The following FBXO41 variants were observed in gnomAD, a reference collection of about 807,000 sequenced individuals.
FBXO41 encodes the protein F-box protein 41.
Under a neutral mutation model 81.6 loss-of-function variants are expected in FBXO41, and 33 were observed. The ratio of observed to expected loss-of-function variants is 0.40; its 90% CI spans 0.31 to 0.54. FBXO41 has a LOEUF of 0.54. FBXO41 is among the 20% of genes least tolerant of loss of function. The pLI is 0.39. For missense variants in FBXO41, 1,107 were observed against 1,236.0 expected, an observed-to-expected ratio of 0.90 and a Z score of 1.56; for synonymous variants, 576 against 552.7, an observed-to-expected ratio of 1.04 and a Z score of -0.59.
In FBXO41 at chr2:73,266,315, C is replaced by G. The variant is rs1050661125; in HGVS notation, c.1131+142G>C. ...CTCCTGCCCAATCAAAGGGGCTCCC[C>G]TGTTCCTGGCATCTGCTGGTGGGGT... On this transcript the variant is annotated intron_variant, in intron 3 of 12. Transcript: ENST00000520530. The surrounding 1 kb of genome is among the most constrained non-coding windows in gnomAD (Gnocchi z 5.3). 2 of 1,049,370 alleles carry G rather than the reference C, an allele frequency of 1.9e-6. No individual in the cohort carries two copies. The highest frequency in any genetic ancestry group is 3.0e-5 in the Admixed American group (1 of 32,980). 65.0% of individuals were successfully genotyped at this position (1,049,370 alleles called of 1,614,324 possible).
At position 73,264,352 on chromosome 2, in the gene FBXO41, C is replaced by T; in HGVS notation, c.1732G>A (p.Asp578Asn). ...TLLHAAEVCR[D>N]WRFVARHPAV... Reference sequence around the variant, plus strand: ...GGGTGGCGGGCCACGAAGCGCCAGTCCCGGCAGACCTCGGCAGCATGCAGC... The same window carrying T: ...GGGTGGCGGGCCACGAAGCGCCAGTTCCGGCAGACCTCGGCAGCATGCAGC... Residue 578 changes from aspartate to asparagine, a missense_variant, in exon 6 of 13, where the codon GAC becomes AAC. Asp to Asn is a conservative substitution (Grantham distance 23). Coordinates refer to ENST00000520530, the MANE Select transcript of FBXO41 (RefSeq NM_001371389.2). 1 of 1,613,716 alleles carries T rather than the reference C, an allele frequency of 6.2e-7. No individual in the cohort carries two copies. The highest frequency in any genetic ancestry group is 8.5e-7 in the Non-Finnish European group (1 of 1,179,890).
At chr2:73,277,675 T>G (rs902690569) in intron 1 of FBXO41, among the ~76,000 whole-genome samples, 7 of 152,074 alleles carry the variant, frequency 4.6e-5, no homozygotes, top group African/African-American at 1.7e-4. Context: ...CTTACAGGTA[T>G]GTGAGTCTTA....
In FBXO41 at chr2:73,269,100, G is replaced by A. The variant is rs1484375852; in HGVS notation, c.531C>T (p.Pro177=). ...ACSTPPPGPG[P]GPCPGPASAS... is the part of the protein sequence containing the mutation. ...CGGAGGCAGGCCCGGGGCAAGGGCC[G>A]GGGCCGGGGCCAGGCGGCGGCGTCG... Residue 177 remains proline, a synonymous_variant, in exon 2 of 13, where the codon CCC becomes CCT. Coordinates refer to ENST00000520530, the MANE Select transcript of FBXO41 (RefSeq NM_001371389.2). This position sits in a 1 kb window ranked among gnomAD's most constrained non-coding sequence, Gnocchi z 7.0. 2.7e-6 allele frequency: 4 copies of A among 1,505,182 alleles called. No homozygotes were observed. The highest frequency in any genetic ancestry group is 1.3e-5 in the South Asian group (1 of 79,098). 93.2% of individuals were successfully genotyped at this position (1,505,182 alleles called of 1,614,324 possible). A position where few individuals can be genotyped will look rare whatever the true frequency, so the allele number is the denominator to read the frequency against.
intron 1 of FBXO41, among the ~76,000 whole-genome samples, chr2:73,272,528 C>G (rs969526217): frequency 5.9e-5 from 9 of 152,328 alleles, no homozygotes; most frequent in African/African-American, 1.9e-4. Context: ...CCTGCTGTGC[C>G]CTCCCAGCTG....
intron 1 of FBXO41, among the ~76,000 whole-genome samples, chr2:73,283,039 G>T (rs1487728301): frequency 6.6e-6 from 1 of 152,192 alleles, no homozygotes. Flanking sequence ...GGAAGGTTTG[G>T]ATGTTAACAG....
In FBXO41 at chr2:73,260,071, A is replaced by G. The variant is rs1417135000; in HGVS notation, c.2449+318T>C. Among the ~76,000 whole-genome samples, 1 of 152,042 alleles carries G rather than the reference A, an allele frequency of 6.6e-6. No homozygotes were observed. Among genetic ancestry groups the G allele is most frequent in the African/African-American group, 2.4e-5 (1 of 41,374 alleles). On this transcript the variant is annotated intron_variant, in intron 11 of 12. Transcript: ENST00000520530. The surrounding 1 kb of genome is among the most constrained non-coding windows in gnomAD (Gnocchi z 5.0). ...GGAGAGAGGAGTCTTCACCCTGAGAACTGTCCTTGGGGGGGCTTCCATATA... is the reference window on the plus strand; with the variant it reads ...GGAGAGAGGAGTCTTCACCCTGAGAGCTGTCCTTGGGGGGGCTTCCATATA...
At position 73,260,287 on chromosome 2, in the gene FBXO41, G is replaced by GTCTCC; in HGVS notation, c.2449+101_2449+102insGGAGA. ...GTCCCCCTGCCTCTGCCCTTGGCTG[G>GTCTCC]AGACTCTGATCCATCTGCCCCAGTG... On this transcript the variant is annotated intron_variant, in intron 11 of 12. Coordinates refer to ENST00000520530, the MANE Select transcript of FBXO41 (RefSeq NM_001371389.2). The surrounding 1 kb of genome is among the most constrained non-coding windows in gnomAD (Gnocchi z 5.0). The GTCTCC allele has an allele frequency of 4.1e-6, 6 of 1,447,502 alleles. No homozygotes were observed. Among genetic ancestry groups the GTCTCC allele is most frequent in the Non-Finnish European group, 5.6e-6 (6 of 1,070,768 alleles). The allele number at this position is 1,447,502 out of a possible 1,614,324, so 89.7% of individuals were successfully genotyped here. A position where few individuals can be genotyped will look rare whatever the true frequency, so the allele number is the denominator to read the frequency against.
At position 73,257,582 on chromosome 2, in the gene FBXO41, G is replaced by C. The variant is rs59113407; in HGVS notation, c.*1400C>G. 0.065 allele frequency: 9,868 copies of C among 152,256 alleles called. 668 individuals are homozygous for C. The highest frequency in any genetic ancestry group is 0.17 in the African/African-American group (7,139 of 41,500). 9.4% of individuals were successfully genotyped at this position (152,256 alleles called of 1,614,324 possible). A position where few individuals can be genotyped will look rare whatever the true frequency, so the allele number is the denominator to read the frequency against. ...TATCTAGGAGAGAAAGAAACCCTAA[G>C]ATAGATCTAGTTTAGATGTTCGAAA... is the stretch of plus-strand genomic sequence containing the variant. On this transcript the variant is annotated 3_prime_UTR_variant, in exon 13 of 13. Transcript: ENST00000520530. This position sits in a 1 kb window ranked among gnomAD's most constrained non-coding sequence, Gnocchi z 4.6.
chr2:73,255,504 C>CTG lies in FBXO41; in HGVS notation c.*3477_*3478insCA, dbSNP rs1687772856. 6.5e-6 allele frequency: 1 copy of CTG among 152,716 alleles called. No individual in the cohort carries two copies. Among genetic ancestry groups the CTG allele is most frequent in the Admixed American group, 6.5e-5 (1 of 15,284 alleles). The allele number at this position is 152,716 out of a possible 1,614,324, so 9.5% of individuals were successfully genotyped here. A position where few individuals can be genotyped will look rare whatever the true frequency, so the allele number is the denominator to read the frequency against. On this transcript the variant is annotated 3_prime_UTR_variant, in exon 13 of 13. Transcript: ENST00000520530. The stretch of plus-strand genomic sequence containing the variant: ...AGGCCCCCAGGGGAAGGAAGTTACA[C>CTG]TCATCAGGGACTGACAGGCTGGGAC...
At chr2:73,273,414 C>A (rs1688597398) in intron 1 of FBXO41, among the ~76,000 whole-genome samples, 1 of 152,098 alleles carries the variant, frequency 6.6e-6, no homozygotes, top group Non-Finnish European at 1.5e-5. Flanking sequence ...GGCTCTAGTC[C>A]CTCTTTATTG....
rs145901051 is a variant in FBXO41, at chr2:73,268,419, T to G, written c.905+307A>C. On this transcript the variant is annotated intron_variant, in intron 2 of 12. Coordinates refer to ENST00000520530, the MANE Select transcript of FBXO41 (RefSeq NM_001371389.2). ...GGTGATGGAAAAGGAGAGGGGAGAG[T>G]TGAGCTATATCTTTGGCTAGGCAAA... Among the ~76,000 whole-genome samples the G allele has an allele frequency of 5.3e-4, 80 of 150,430 alleles. 1 individual carries two copies. The East Asian group carries it at 0.011, about 21-fold the overall frequency.
chr2:73,268,814 A>G lies in FBXO41; in HGVS notation c.817T>C (p.Ser273Pro). 6.3e-7 allele frequency: 1 copy of G among 1,579,502 alleles called. No homozygotes were observed. Among genetic ancestry groups the G allele is most frequent in the Non-Finnish European group, 8.6e-7 (1 of 1,163,474 alleles). Residue 273 changes from serine to proline, a missense_variant, in exon 2 of 13, where the codon TCC becomes CCC. Around this residue, in one of 2 missense-constraint regions of FBXO41, gnomAD observed 771 missense variants for 789.2 expected, o/e 0.98. Coordinates refer to ENST00000520530, the MANE Select transcript of FBXO41 (RefSeq NM_001371389.2). ...TCTACGCTCACGTCCACCTGGCGGG[A>G]GAGCTCAGACGCGCGCTCCTCCAGC... The part of the protein sequence containing the change: ...EELEERASEL[S>P]RQVDVSVELL...
chr2:73,262,735 TTATC>T (rs1239618213), intron 9 of FBXO41, among the ~76,000 whole-genome samples: 1 of 151,764 alleles, frequency 6.6e-6, no homozygotes, highest in Non-Finnish European at 1.5e-5. Context: ...CTGATTTTAT[TTATC>T]TATTTATTTA....
Position 73,263,229 on chromosome 2 carries a change from C to G in FBXO41, c.2155G>C (p.Ala719Pro). The G allele has an allele frequency of 7.1e-6, 11 of 1,556,328 alleles. No individual in the cohort carries two copies. Among genetic ancestry groups the G allele is most frequent in the Non-Finnish European group, 9.6e-6 (11 of 1,149,618 alleles). ...AGGGCTCACCAGGGGTGAAGTGGTGCCACTTGGAGGGAGACGATCTCTCTG... is the reference window on the plus strand; with the variant it reads ...AGGGCTCACCAGGGGTGAAGTGGTGGCACTTGGAGGGAGACGATCTCTCTG... ...GCREIVSLQV[A>P]PLHPCQQPTR... The change falls in exon 9 of 13, where the codon GCA becomes CCA. Residue 719 changes from alanine (A) to proline (P), a missense_variant. Ala to Pro is a conservative substitution (Grantham distance 27). Transcript: ENST00000520530.
Position 73,264,324 on chromosome 2 carries a change from G to A in FBXO41, c.1760C>T (p.Ala587Val). The change falls in exon 6 of 13, where the codon GCA (alanine) becomes GTA (valine). Residue 587 changes from alanine to valine, a missense_variant. Ala to Val is a moderately conservative substitution (Grantham distance 64, BLOSUM62 0). Coordinates refer to ENST00000520530, the MANE Select transcript of FBXO41 (RefSeq NM_001371389.2). Reference protein sequence around the residue: ...RDWRFVARHPAVWTRVLLENA... With the variant: ...RDWRFVARHPVVWTRVLLENA... ...CTCAAGCAGCACCCTTGTCCAGACT[G>A]CGGGGTGGCGGGCCACGAAGCGCCA... 1 of 1,613,640 alleles carries A rather than the reference G, an allele frequency of 6.2e-7. No homozygotes were observed. The highest frequency in any genetic ancestry group is 8.5e-7 in the Non-Finnish European group (1 of 1,179,888).
At chr2:73,265,155 G>A in intron 5 of FBXO41, 127 bp downstream of exon 5, 1 of 875,016 alleles carries the variant, frequency 1.1e-6, no homozygotes, top group East Asian at 2.7e-5. Flanking sequence ...AAGAGTTCCT[G>A]CCCCAGGCTT....
At position 73,276,334 on chromosome 2, in the gene FBXO41, C is replaced by T. The variant is rs183454134; in HGVS notation, c.-138-6566G>A. On this transcript the variant is annotated intron_variant, in intron 1 of 12. Transcript: ENST00000520530. Reference sequence around the variant, plus strand: ...CTGAGGCAGCATAATCACTTAAACCCGGGAGGTGGAGGTTGCAATGAGCCA... The same window carrying T: ...CTGAGGCAGCATAATCACTTAAACCTGGGAGGTGGAGGTTGCAATGAGCCA... Among the ~76,000 whole-genome samples the T allele has an allele frequency of 4.6e-3, 702 of 151,530 alleles. 4 individuals carry two copies. The highest frequency in any genetic ancestry group is 5.7e-3 in the Non-Finnish European group (384 of 67,938).
At chr2:73,265,213 G>A in intron 5 of FBXO41, 69 bp downstream of exon 5, 2 of 1,409,650 alleles carry the variant, frequency 1.4e-6, no homozygotes, top group East Asian at 4.8e-5. Context: ...AAAGGGGAGG[G>A]GGGTGCAGGA....
At position 73,268,625 on chromosome 2, in the gene FBXO41, A is replaced by G. The variant is rs193213896; in HGVS notation, c.905+101T>C. 570 of 1,180,360 alleles carry G rather than the reference A, an allele frequency of 4.8e-4. 2 individuals carry two copies. In the African/African-American group the frequency reaches 7.9e-3, roughly 16 times the overall value. 73.1% of individuals were successfully genotyped at this position (1,180,360 alleles called of 1,614,324 possible). A position where few individuals can be genotyped will look rare whatever the true frequency, so the allele number is the denominator to read the frequency against. ...GCCACGGATCCTCTATTACAAAGCC[A>G]TGGCCACATACAGACACACTCAGGC... On this transcript the variant is annotated intron_variant, in intron 2 of 12. Coordinates refer to ENST00000520530, the MANE Select transcript of FBXO41 (RefSeq NM_001371389.2).
Sources: allele counts gnomAD v4.1 joint callset (sites outside exome capture counted in the v4.1 genomes callset), GRCh38; gene constraint gnomAD v4.1.1; regional missense constraint gnomAD v4.1.1; non-coding constraint Gnocchi (gnomAD v3.1); transcripts MANE v1.5; gene names NCBI Gene and HGNC (gene_info 2026-07-23, HGNC 2026-07-21).